The following ZNF618 variants were observed in gnomAD, a reference collection of about 807,000 sequenced individuals.
ZNF618 encodes the protein neural precursor cell expressed, developmentally down-regulated 10.
A neutral mutation model predicts 103.0 loss-of-function variants in ZNF618; 34 were observed. That is an observed-to-expected ratio of 0.33 (90% confidence interval 0.25 to 0.44). The LOEUF (loss-of-function observed/expected upper bound fraction) is 0.44. Among genes scored for constraint, ZNF618 ranks in the 20% least tolerant of loss-of-function variants. The pLI is 1.00. For missense variants in ZNF618, 1,059 were observed against 1,295.4 expected (o/e 0.82, Z 2.80); for synonymous variants, 551 against 542.2 (o/e 1.02, Z -0.23).
intron 10 of ZNF618, among the ~76,000 whole-genome samples, chr9:114,017,194 G>A (rs146351962): frequency 1.3e-3 from 193 of 152,332 alleles, no homozygotes; most frequent in Non-Finnish European, 2.3e-3. Context: ...GCCCGGGCTA[G>A]GGGCGTGGTT....
At chr9:113,941,935 T>C (rs1834590256) in intron 1 of ZNF618, among the ~76,000 whole-genome samples, 1 of 152,222 alleles carries the variant, frequency 6.6e-6, no homozygotes, top group African/African-American at 2.4e-5. Context: ...CAGGTGCAGC[T>C]GGACAGCTGG....
At chr9:113,981,350 A>G (rs569610165) in intron 2 of ZNF618, among the ~76,000 whole-genome samples, 38 of 152,228 alleles carry the variant, frequency 2.5e-4, no homozygotes, top group Middle Eastern at 3.4e-3. Flanking sequence ...CCTCTGTGTA[A>G]GGAGACACAC....
intron 1 of ZNF618, among the ~76,000 whole-genome samples, chr9:113,919,313 T>C (rs940286521): frequency 6.6e-6 from 1 of 152,198 alleles, no homozygotes; most frequent in Non-Finnish European, 1.5e-5. Context: ...CTGGTGTGTC[T>C]GTAGCTGGGG....
chr9:114,008,193 C>T (rs1395424789), intron 7 of ZNF618, 151 bp from the exon 8 acceptor site: 19 of 1,034,978 alleles, frequency 1.8e-5, no homozygotes, highest in Non-Finnish European at 2.4e-5. Context: ...TGGGGGGCTT[C>T]CACAGTGGCC....
intron 6 of ZNF618, among the ~76,000 whole-genome samples, chr9:114,004,573 G>C (rs1379073522): frequency 1.3e-5 from 2 of 152,210 alleles, no homozygotes; most frequent in Admixed American, 6.5e-5. Context: ...CTCTGTAGCG[G>C]GGGTATTTTT....
At chr9:114,025,520 T>G (rs1225716494) in intron 10 of ZNF618, among the ~76,000 whole-genome samples, 1 of 152,216 alleles carries the variant, frequency 6.6e-6, no homozygotes, top group Non-Finnish European at 1.5e-5. Flanking sequence ...AGTCAGCCAG[T>G]CTGTCTGAGA....
intron 2 of ZNF618, among the ~76,000 whole-genome samples, chr9:113,970,945 G>C (rs1342547896): frequency 2.8e-5 from 4 of 143,380 alleles, no homozygotes; most frequent in Non-Finnish European, 4.5e-5. Flanking sequence ...GTGTTTATGG[G>C]ATGGGCACAC....
At chr9:114,022,218 T>C (rs1460319728) in intron 10 of ZNF618, among the ~76,000 whole-genome samples, 1 of 152,060 alleles carries the variant, frequency 6.6e-6, no homozygotes, top group Non-Finnish European at 1.5e-5. Context: ...CAACCAGCAG[T>C]ACAATTTTCT....
At chr9:113,922,478 T>G (rs1196390319) in intron 1 of ZNF618, among the ~76,000 whole-genome samples, 4 of 28,738 alleles carry the variant, frequency 1.4e-4, no homozygotes, top group African/African-American at 2.0e-4. Context: ...TTTTGGTTTG[T>G]TTTTTTTTTT....
intron 1 of ZNF618, among the ~76,000 whole-genome samples, chr9:113,920,232 TTCAAGTGAGGCTA>T (rs1832515106): frequency 6.6e-6 from 1 of 152,094 alleles, no homozygotes; most frequent in Non-Finnish European, 1.5e-5. Flanking sequence ...ACACTTTTGT[TTCAAGTGAGGCTA>T]TTGGCGTGGA....
chr9:113,975,611 T>G (rs1037614778), intron 2 of ZNF618, among the ~76,000 whole-genome samples: 5 of 152,156 alleles, frequency 3.3e-5, no homozygotes, highest in Non-Finnish European at 5.9e-5. Context: ...ATTGGAGCAT[T>G]TCAGATTTCT....
Position 114,050,048 on chromosome 9 carries a change from G to A in ZNF618, c.2746G>A (p.Val916Met), listed in dbSNP as rs1846011532. The A allele has an allele frequency of 1.2e-6, 2 of 1,613,804 alleles. No homozygotes were observed. The highest frequency in any genetic ancestry group is 1.3e-5 in the African/African-American group (1 of 75,052). Residue 916 changes from valine to methionine, a missense_variant, in exon 15 of 15, where the codon GTG becomes ATG. Val to Met is a conservative substitution (Grantham distance 21, BLOSUM62 1). Transcript: ENST00000374126. ...CTTCTGGCTCCTGGCGGTTCCGGCC[G>A]TGGGCGCCAGAAGCGGGTGTGTAAA... ...LAFWLLAVPA[V>M]GARSGCVNMC... is the part of the protein sequence containing the mutation.
At chr9:113,943,998 C>G (rs1834776851) in intron 1 of ZNF618, among the ~76,000 whole-genome samples, 4 of 152,200 alleles carry the variant, frequency 2.6e-5, no homozygotes. Context: ...CTTACTAAAT[C>G]TGGATGGGGA....
chr9:113,960,162 A>G (rs1482953435), intron 1 of ZNF618, among the ~76,000 whole-genome samples: 2 of 152,130 alleles, frequency 1.3e-5, no homozygotes, highest in Non-Finnish European at 2.9e-5. Context: ...ATCTCAGTTG[A>G]TCTGTGCTGC....
At chr9:114,045,090 T>C (rs1845539762) in intron 13 of ZNF618, among the ~76,000 whole-genome samples, 1 of 152,080 alleles carries the variant, frequency 6.6e-6, no homozygotes, top group Admixed American at 6.5e-5. Flanking sequence ...TGAGAGTTCT[T>C]TATATACTCT....
At chr9:113,900,584 ACCG>A (rs1452120166) in intron 1 of ZNF618, among the ~76,000 whole-genome samples, 1 of 145,256 alleles carries the variant, frequency 6.9e-6, no homozygotes, top group African/African-American at 2.6e-5. Context: ...GTCTCCTAGC[ACCG>A]TCCTCTCCCG....
At chr9:114,043,860 G>A (rs1031637703) in intron 13 of ZNF618, among the ~76,000 whole-genome samples, 1 of 152,094 alleles carries the variant, frequency 6.6e-6, no homozygotes, top group African/African-American at 2.4e-5. Context: ...TTTGAGATTT[G>A]TCTATTCATG....
intron 6 of ZNF618, among the ~76,000 whole-genome samples, chr9:114,005,299 G>A (rs894522124): frequency 2.0e-5 from 3 of 152,188 alleles, no homozygotes; most frequent in Non-Finnish European, 2.9e-5. Flanking sequence ...TTCTGAAAAC[G>A]TGCTTTCACT....
intron 2 of ZNF618, among the ~76,000 whole-genome samples, chr9:113,972,543 C>T (rs926229034): frequency 6.6e-6 from 1 of 152,038 alleles, no homozygotes; most frequent in African/African-American, 2.4e-5. Flanking sequence ...CCACGCCCTC[C>T]TGCTTCTTGG....
Sources: allele counts gnomAD v4.1 joint callset (sites outside exome capture counted in the v4.1 genomes callset), GRCh38; gene constraint gnomAD v4.1.1; transcripts MANE v1.5; gene names NCBI Gene and HGNC (gene_info 2026-07-23, HGNC 2026-07-21).